SGCD: variants seen among roughly 807,000 people sequenced by gnomAD.
SGCD encodes delta-sarcoglycan.
In SGCD, 18 loss-of-function variants were observed where a neutral mutation model predicts 36.6. The observed-to-expected ratio is 0.49, with a 90% CI of 0.34 to 0.73. The LOEUF is 0.73. SGCD is among the 30% of genes least tolerant of loss of function. The probability of loss-of-function intolerance (pLI) is 0.01; values close to 1 mark genes in which losing one functional copy is unlikely to be tolerated. For missense variants in SGCD, 387 were observed against 346.7 expected, an observed-to-expected ratio of 1.12 and a Z score of -0.92; for synonymous variants, 133 against 130.6, an observed-to-expected ratio of 1.02 and a Z score of -0.12.
chr5:155,934,630 T>G (rs1217432779), intron 1 of SGCD, among the ~76,000 whole-genome samples: 1 of 152,236 alleles, frequency 6.6e-6, no homozygotes, highest in East Asian at 1.9e-4. Flanking sequence ...TTAATATTTA[T>G]TAACCATTGT....
intron 1 of SGCD, among the ~76,000 whole-genome samples, chr5:155,892,821 G>A (rs756186306): frequency 1.1e-4 from 16 of 152,100 alleles, no homozygotes; most frequent in Non-Finnish European, 1.8e-4. Flanking sequence ...ATCCACTGAT[G>A]GACAGTAAGG....
intron 4 of SGCD, among the ~76,000 whole-genome samples, chr5:156,514,249 G>A (rs1346944902): frequency 6.6e-6 from 1 of 152,190 alleles, no homozygotes; most frequent in African/African-American, 2.4e-5. Context: ...CACATCTTAG[G>A]ATGCTAGGAT....
intron 3 of SGCD, among the ~76,000 whole-genome samples, chr5:156,197,875 T>A (rs1245771258): frequency 2.0e-5 from 3 of 152,102 alleles, no homozygotes; most frequent in Non-Finnish European, 2.9e-5. Context: ...TTTATGTACA[T>A]ATGGAATGAT....
chr5:156,350,628 C>T (rs944291146), intron 3 of SGCD, among the ~76,000 whole-genome samples: 2 of 152,006 alleles, frequency 1.3e-5, no homozygotes, highest in Admixed American at 6.6e-5. Flanking sequence ...GCAGAATATT[C>T]CAGTATTCAT....
intron 3 of SGCD, among the ~76,000 whole-genome samples, chr5:156,311,020 A>T (rs1447886358): frequency 1.3e-5 from 2 of 152,218 alleles, no homozygotes; most frequent in African/African-American, 2.4e-5. Flanking sequence ...AGGGAACAGC[A>T]TCTGTGAAAG....
At chr5:156,374,808 A>C (rs1180717606) in intron 3 of SGCD, among the ~76,000 whole-genome samples, 1 of 152,032 alleles carries the variant, frequency 6.6e-6, no homozygotes, top group Non-Finnish European at 1.5e-5. Context: ...TGACATGCTG[A>C]CAGCATACCA....
At chr5:156,222,265 G>A (rs1203061581) in intron 3 of SGCD, among the ~76,000 whole-genome samples, 1 of 152,056 alleles carries the variant, frequency 6.6e-6, no homozygotes, top group African/African-American at 2.4e-5. Context: ...CTGAAGTTCT[G>A]TTTATTGCTC....
At position 156,538,678 on chromosome 5, in the gene SGCD, G is replaced by A. The variant is rs558228498; in HGVS notation, c.294+29976G>A. On this transcript the variant is annotated intron_variant, in intron 4 of 8. Coordinates refer to ENST00000337851, the MANE Select transcript of SGCD (RefSeq NM_000337.6). ...TTCTGCTTATCTAGGATTGTATTAAGTGTTTGAATACATTTTACGGCCCAG... is the reference window on the plus strand; with the variant it reads ...TTCTGCTTATCTAGGATTGTATTAAATGTTTGAATACATTTTACGGCCCAG... 6.5e-4 allele frequency among the ~76,000 whole-genome samples: 99 copies of A among 152,104 alleles called. 1 individual carries two copies. The highest frequency in any genetic ancestry group is 2.4e-3 in the African/African-American group (98 of 41,490).
At chr5:156,581,220 G>A (rs546863992) in intron 4 of SGCD, among the ~76,000 whole-genome samples, 27 of 152,280 alleles carry the variant, frequency 1.8e-4, no homozygotes, top group African/African-American at 4.8e-4. Flanking sequence ...CCTGAGTATC[G>A]CCAGCGGAGG....
intron 3 of SGCD, among the ~76,000 whole-genome samples, chr5:156,448,465 A>G (rs1753842079): frequency 6.6e-6 from 1 of 152,140 alleles, no homozygotes; most frequent in Admixed American, 6.6e-5. Context: ...CTGGTATAAC[A>G]CTAGGCAGCA....
intron 3 of SGCD, among the ~76,000 whole-genome samples, chr5:156,504,657 C>T (rs1756618395): frequency 6.6e-6 from 1 of 151,988 alleles, no homozygotes; most frequent in African/African-American, 2.4e-5. Flanking sequence ...AACTCTAAAG[C>T]TAAATACTTT....
Position 156,757,666 on chromosome 5 carries a change from T to G in SGCD, c.661T>G (p.Cys221Gly), listed in dbSNP as rs1561899947. ...AGAAGCTGGCAATATGGAAGCCACC[T>G]GCAGGACAGAGCTGAGACTGGAATC... is the stretch of plus-strand genomic sequence containing the variant. ...NAEAGNMEAT[C>G]RTELRLESKD... Residue 221 changes from cysteine (C) to glycine (G), a missense_variant, in exon 8 of 9, where the codon TGC (cysteine) becomes GGC (glycine). By Grantham distance (159) the Cys-to-Gly change is radical. Transcript: ENST00000337851. The G allele has an allele frequency of 6.2e-7, 1 of 1,609,448 alleles. No homozygotes were observed. The highest frequency in any genetic ancestry group is 1.1e-5 in the South Asian group (1 of 89,780).
chr5:156,560,121 G>T (rs1049762286), intron 4 of SGCD, among the ~76,000 whole-genome samples: 2 of 152,182 alleles, frequency 1.3e-5, no homozygotes, highest in African/African-American at 4.8e-5. Context: ...ATTTCTGTCA[G>T]TTTTGTTTCA....
At chr5:156,199,887 A>G (rs970556119) in intron 3 of SGCD, among the ~76,000 whole-genome samples, 3 of 151,620 alleles carry the variant, frequency 2.0e-5, no homozygotes, top group Non-Finnish European at 2.9e-5. Context: ...AGTTGTGTCC[A>G]CTCTTAGGGC....
At position 156,174,460 on chromosome 5, in the gene SGCD, G is replaced by C. The variant is rs960159321; in HGVS notation, c.-44+50441G>C. Reference sequence around the variant, plus strand: ...CCATGAGAGAGAGTAAGAGAGATTGGAAGGGGCCAGATCAAGCAGGGCCAC... The same window carrying C: ...CCATGAGAGAGAGTAAGAGAGATTGCAAGGGGCCAGATCAAGCAGGGCCAC... On this transcript the variant is annotated intron_variant, in intron 3 of 9. Coordinates refer to the SGCD transcript ENST00000517913. Among the ~76,000 whole-genome samples the C allele has an allele frequency of 3.3e-5, 5 of 152,280 alleles. No individual in the cohort carries two copies. In the East Asian group the frequency reaches 9.7e-4, roughly 29 times the overall value.
intron 1 of SGCD, among the ~76,000 whole-genome samples, chr5:156,113,320 T>A (rs1761833856): frequency 6.6e-6 from 1 of 152,024 alleles, no homozygotes; most frequent in East Asian, 1.9e-4. Flanking sequence ...GAGGGAAGAT[T>A]TTTTTCCTTT....
intron 4 of SGCD, among the ~76,000 whole-genome samples, chr5:156,588,733 A>T (rs2277956): frequency 1.3e-4 from 20 of 152,312 alleles, no homozygotes; most frequent in Non-Finnish European, 1.8e-4. Context: ...CATTGCAAAC[A>T]TCTCTACAAA....
At chr5:156,497,623 TTCTCTCTC>T (rs375678272) in intron 3 of SGCD, among the ~76,000 whole-genome samples, 2 of 146,292 alleles carry the variant, frequency 1.4e-5, no homozygotes, top group African/African-American at 2.5e-5. Flanking sequence ...TGCGCGTGCT[TTCTCTCTC>T]TCTCTCTCTC....
intron 3 of SGCD, among the ~76,000 whole-genome samples, chr5:156,505,668 C>T (rs1346490703): frequency 6.6e-6 from 1 of 152,048 alleles, no homozygotes; most frequent in Non-Finnish European, 1.5e-5. Context: ...ACTGGAGAAA[C>T]TAGAAACCTG....
Sources: allele counts gnomAD v4.1 joint callset (sites outside exome capture counted in the v4.1 genomes callset), GRCh38; gene constraint gnomAD v4.1.1; transcripts MANE v1.5; gene names NCBI Gene and HGNC (gene_info 2026-07-23, HGNC 2026-07-21).